The following SORCS3 variants were observed in gnomAD, a reference collection of about 807,000 sequenced individuals.
SORCS3 encodes the protein VPS10 domain-containing receptor SorCS3.
Under a neutral mutation model 146.3 loss-of-function variants are expected in SORCS3, and 57 were observed. That is an observed-to-expected ratio of 0.39 (90% CI 0.31 to 0.49). The LOEUF (loss-of-function observed/expected upper bound fraction) is 0.49. Among genes scored for constraint, SORCS3 ranks in the 20% least tolerant of loss-of-function variants. The probability of loss-of-function intolerance (pLI) is 0.92; values close to 1 mark genes in which losing one functional copy is unlikely to be tolerated. For synonymous variants in SORCS3, 653 were observed against 618.5 expected (o/e 1.06, Z -0.83); for missense variants, 1,341 against 1,575.5 (o/e 0.85, Z 2.52).
At chr10:105,010,954 A>T (rs1406040992) in intron 4 of SORCS3, among the ~76,000 whole-genome samples, 1 of 152,108 alleles carries the variant, frequency 6.6e-6, no homozygotes, top group African/African-American at 2.4e-5. Context: ...TGGTGCATAT[A>T]TGAGTTACTG....
At chr10:104,955,728 T>C (rs1259488784) in intron 3 of SORCS3, among the ~76,000 whole-genome samples, 1 of 152,124 alleles carries the variant, frequency 6.6e-6, no homozygotes, top group African/African-American at 2.4e-5. Context: ...CTTCACTCCT[T>C]TCCTTCGTCC....
At chr10:104,921,900 C>T (rs745393198) in intron 3 of SORCS3, among the ~76,000 whole-genome samples, 1 of 152,042 alleles carries the variant, frequency 6.6e-6, no homozygotes, top group Non-Finnish European at 1.5e-5. Flanking sequence ...AGAGGATTAG[C>T]AGTTTCTTGG....
At chr10:104,770,983 G>A (rs1424970030) in intron 1 of SORCS3, among the ~76,000 whole-genome samples, 1 of 151,990 alleles carries the variant, frequency 6.6e-6, no homozygotes, top group East Asian at 1.9e-4. Flanking sequence ...CTTCTAAACT[G>A]CCACTATGCC....
intron 3 of SORCS3, among the ~76,000 whole-genome samples, chr10:104,959,711 C>T (rs764239748): frequency 1.1e-4 from 16 of 152,092 alleles, no homozygotes; most frequent in Admixed American, 2.6e-4. Flanking sequence ...CAATGCAATC[C>T]GAAGACTTTG....
chr10:105,217,702 C>T, intron 19 of SORCS3: 1 of 414,432 alleles, frequency 2.4e-6, no homozygotes, highest in Non-Finnish European at 4.9e-6. Context: ...GAATCTATTT[C>T]ATTGCTATTG....
intron 1 of SORCS3, among the ~76,000 whole-genome samples, chr10:104,718,271 T>G (rs1190327799): frequency 2.0e-5 from 3 of 152,134 alleles, no homozygotes; most frequent in African/African-American, 7.2e-5. Flanking sequence ...CTTTTTGCTG[T>G]GTCATCCCAT....
At position 104,853,537 on chromosome 10, in the gene SORCS3, A is replaced by G. The variant is rs139900308; in HGVS notation, c.695+10678A>G. The stretch of plus-strand genomic sequence containing the variant: ...CCAGCAACCATAGCAGCTGGATGTC[A>G]TGGATTTACACTCCAGTGAGCTGCT... On this transcript the variant is annotated intron_variant, in intron 2 of 26. Transcript: ENST00000369701. 2.3e-3 allele frequency among the ~76,000 whole-genome samples: 350 copies of G among 152,344 alleles called. 2 individuals carry two copies. The highest frequency in any genetic ancestry group is 8.0e-3 in the African/African-American group (334 of 41,578).
At chr10:104,783,289 A>G (rs960591187) in intron 1 of SORCS3, among the ~76,000 whole-genome samples, 11 of 152,112 alleles carry the variant, frequency 7.2e-5, no homozygotes, top group African/African-American at 1.9e-4. Context: ...CCTGTTCTCA[A>G]TAGACTATTG....
intron 1 of SORCS3, among the ~76,000 whole-genome samples, chr10:104,668,891 A>T (rs192804214): frequency 7.7e-4 from 118 of 152,340 alleles, no homozygotes; most frequent in African/African-American, 2.6e-3. Context: ...CCCAAGTGCG[A>T]TTCTGACATT....
chr10:104,719,762 G>A (rs1174691655), intron 1 of SORCS3, among the ~76,000 whole-genome samples: 2 of 152,204 alleles, frequency 1.3e-5, no homozygotes, highest in Non-Finnish European at 2.9e-5. Flanking sequence ...CTCTCTTCAT[G>A]TGACGGTAAT....
chr10:105,223,324 T>G, intron 20 of SORCS3, 75 bp downstream of exon 20: 1 of 1,413,546 alleles, frequency 7.1e-7, no homozygotes, highest in Non-Finnish European at 9.4e-7. Context: ...ATGTGTCTAT[T>G]AGGGGGCACT....
At chr10:104,778,511 A>G (rs1485094985) in intron 1 of SORCS3, among the ~76,000 whole-genome samples, 1 of 152,190 alleles carries the variant, frequency 6.6e-6, no homozygotes, top group East Asian at 1.9e-4. Context: ...CTCAAAGAGG[A>G]ATGATCACAT....
At chr10:104,642,022 G>GGGGGGGGGGGGGGGGGGGGGGCCCC in intron 1 of SORCS3, 68 bp downstream of exon 1, 4 of 173,334 alleles carry the variant, frequency 2.3e-5, no homozygotes, top group Non-Finnish European at 3.3e-5. Flanking sequence ...GGGTGGGTGG[G>GGGGGGGGGGGGGGGGGGGGGGCCCC]AGCGAGGGAC....
intron 13 of SORCS3, among the ~76,000 whole-genome samples, chr10:105,175,103 A>G (rs906560140): frequency 7.9e-5 from 12 of 152,116 alleles, no homozygotes; most frequent in African/African-American, 2.9e-4. Context: ...GCTGGAGTGC[A>G]ATGGCACAAT....
chr10:104,642,022 G>GGGGGGGGGCA, intron 1 of SORCS3, 68 bp downstream of exon 1: 10 of 173,324 alleles, frequency 5.8e-5, no homozygotes, highest in Middle Eastern at 1.4e-3. Context: ...GGGTGGGTGG[G>GGGGGGGGGCA]AGCGAGGGAC....
intron 20 of SORCS3, among the ~76,000 whole-genome samples, chr10:105,233,797 T>A (rs1319851718): frequency 6.6e-6 from 1 of 152,204 alleles, no homozygotes; most frequent in Non-Finnish European, 1.5e-5. Context: ...ATCTTCTTTA[T>A]CCAGTCTACC....
Position 104,933,643 on chromosome 10 carries a change from A to C in SORCS3, c.795+17711A>C, listed in dbSNP as rs537417317. Among the ~76,000 whole-genome samples the C allele has an allele frequency of 3.3e-5, 5 of 152,358 alleles. No individual in the cohort carries two copies. In the East Asian group the frequency reaches 9.6e-4, roughly 29 times the overall value. On this transcript the variant is annotated intron_variant, in intron 3 of 26. Coordinates refer to ENST00000369701, the MANE Select transcript of SORCS3 (RefSeq NM_014978.3). ...CCACCAACGCCTGCTGCACTGCCTT[A>C]TAAGGTTCATTTGAGAATCAAGTGA... is the stretch of plus-strand genomic sequence containing the variant.
chr10:105,105,580 A>C, intron 7 of SORCS3, 65 bp downstream of exon 7: 1 of 1,146,438 alleles, frequency 8.7e-7, no homozygotes, highest in South Asian at 1.2e-5. Context: ...CCTGCTAGGA[A>C]AAGGAGGGTG....
chr10:104,697,087 A>G (rs1159636768), intron 1 of SORCS3, among the ~76,000 whole-genome samples: 1 of 152,028 alleles, frequency 6.6e-6, no homozygotes, highest in Non-Finnish European at 1.5e-5. Flanking sequence ...TGATTTTGGT[A>G]ATCATCACAT....
Sources: allele counts gnomAD v4.1 joint callset (sites outside exome capture counted in the v4.1 genomes callset), GRCh38; gene constraint gnomAD v4.1.1; transcripts MANE v1.5; gene names NCBI Gene and HGNC (gene_info 2026-07-23, HGNC 2026-07-21).